DLGAP2: variants seen among roughly 807,000 people sequenced by gnomAD.
DLGAP2 encodes DLG associated protein 2.
DLGAP2 carries 26 observed loss-of-function variants against 100.3 expected under a neutral mutation model. That is an observed-to-expected ratio of 0.26 (90% CI 0.19 to 0.36). The LOEUF is 0.36. DLGAP2 is among the 10% of genes least tolerant of loss of function. The probability of loss-of-function intolerance (pLI) is 1.00; values close to 1 mark genes in which losing one functional copy is unlikely to be tolerated. For synonymous variants in DLGAP2, 886 were observed against 630.1 expected, an observed-to-expected ratio of 1.41 and a Z score of -6.08; for missense variants, 1,858 against 1,453.2, an observed-to-expected ratio of 1.28 and a Z score of -4.53.
rs185490634 is a variant in DLGAP2, at chr8:1,575,817, G to A, written c.1442+9923G>A. On this transcript the variant is annotated intron_variant, in intron 6 of 14. Transcript: ENST00000637795. ...ATGAACTTGTCCTTTTTATGGCTGC[G>A]TAGTTTTCCATGGTGTATATGTGCC... 4.2e-3 allele frequency among the ~76,000 whole-genome samples: 636 copies of A among 151,522 alleles called. 4 individuals are homozygous for A. Among genetic ancestry groups the A allele is most frequent in the African/African-American group, 0.014 (581 of 41,364 alleles).
chr8:819,884 C>T (rs548863424), intron 1 of DLGAP2, among the ~76,000 whole-genome samples: 21 of 152,196 alleles, frequency 1.4e-4, no homozygotes, highest in African/African-American at 3.6e-4. Flanking sequence ...CATTTCCATG[C>T]GAACCCTTTC....
intron 3 of DLGAP2, among the ~76,000 whole-genome samples, chr8:1,359,662 A>G (rs972589564): frequency 2.0e-5 from 3 of 152,328 alleles, no homozygotes; most frequent in South Asian, 4.1e-4. Context: ...GCGCTGGCAG[A>G]TAGCCATCCC....
chr8:918,995 C>T (rs1029171344), intron 2 of DLGAP2, among the ~76,000 whole-genome samples: 40 of 152,088 alleles, frequency 2.6e-4, no homozygotes, highest in African/African-American at 9.4e-4. Flanking sequence ...GGCTGGAGTG[C>T]AGTGGTGCGA....
chr8:1,412,461 G>A (rs753737559), intron 3 of DLGAP2, among the ~76,000 whole-genome samples: 2 of 152,138 alleles, frequency 1.3e-5, no homozygotes, highest in African/African-American at 2.4e-5. Context: ...CTGATCTCAC[G>A]AATTCAGTGC....
At chr8:1,075,261 G>C (rs1292488162) in intron 2 of DLGAP2, among the ~76,000 whole-genome samples, 1 of 152,202 alleles carries the variant, frequency 6.6e-6, no homozygotes, top group Non-Finnish European at 1.5e-5. Flanking sequence ...GGACCCTCTT[G>C]TTGAGGAGCG....
intron 2 of DLGAP2, among the ~76,000 whole-genome samples, chr8:986,907 G>T (rs1190904119): frequency 6.6e-6 from 1 of 152,096 alleles, no homozygotes; most frequent in East Asian, 1.9e-4. Flanking sequence ...TGATCCACCC[G>T]TCTCGACCTT....
At chr8:1,555,748 G>C (rs896304357) in intron 5 of DLGAP2, among the ~76,000 whole-genome samples, 5 of 152,246 alleles carry the variant, frequency 3.3e-5, no homozygotes, top group African/African-American at 1.2e-4. Flanking sequence ...TCACATCTCA[G>C]TGACATCATC....
intron 4 of DLGAP2, among the ~76,000 whole-genome samples, chr8:1,507,594 C>T (rs1046086172): frequency 1.3e-5 from 2 of 152,180 alleles, no homozygotes; most frequent in African/African-American, 4.8e-5. Flanking sequence ...TCCTCAAGTG[C>T]GGCCGGAGTG....
intron 3 of DLGAP2, among the ~76,000 whole-genome samples, chr8:1,291,802 C>A (rs1359560079): frequency 6.6e-6 from 1 of 152,172 alleles, no homozygotes; most frequent in Non-Finnish European, 1.5e-5. Flanking sequence ...ACGAGCAAAT[C>A]CATCTCACTG....
chr8:1,051,187 C>G (rs928975156), intron 2 of DLGAP2, among the ~76,000 whole-genome samples: 1 of 152,188 alleles, frequency 6.6e-6, no homozygotes, highest in South Asian at 2.1e-4. Context: ...ATTGTCAGCA[C>G]CACCTCGAAG....
chr8:1,220,146 C>G (rs184047162), intron 2 of DLGAP2, among the ~76,000 whole-genome samples: 95 of 152,178 alleles, frequency 6.2e-4, no homozygotes, highest in Admixed American at 6.2e-3. Flanking sequence ...TTGTTTTCTT[C>G]TACCTTTGGG....
intron 1 of DLGAP2, among the ~76,000 whole-genome samples, chr8:793,022 TTAG>T (rs1431144452): frequency 2.6e-5 from 4 of 152,238 alleles, no homozygotes; most frequent in Non-Finnish European, 5.9e-5. Context: ...CAGAAGATTA[TTAG>T]TTGACTTTGT....
At chr8:892,265 C>G (rs1030200458) in intron 1 of DLGAP2, among the ~76,000 whole-genome samples, 7 of 152,216 alleles carry the variant, frequency 4.6e-5, no homozygotes, top group African/African-American at 7.2e-5. Flanking sequence ...CTCATAGCGG[C>G]TTGTGCACAG....
chr8:1,120,097 T>A (rs146477006), intron 2 of DLGAP2, among the ~76,000 whole-genome samples: 258 of 151,694 alleles, frequency 1.7e-3, no homozygotes, highest in African/African-American at 6.0e-3. Context: ...AGTTGGAAAT[T>A]CAAACATCTT....
intron 1 of DLGAP2, among the ~76,000 whole-genome samples, chr8:757,917 C>A (rs113755296): frequency 6.6e-6 from 1 of 152,154 alleles, no homozygotes; most frequent in Non-Finnish European, 1.5e-5. Flanking sequence ...CCCACCTCTG[C>A]GCTCATTAGT....
chr8:1,450,950 A>C (rs1390151587), intron 3 of DLGAP2, among the ~76,000 whole-genome samples: 16 of 152,046 alleles, frequency 1.1e-4, no homozygotes. Context: ...TAATTTCTCT[A>C]TTTGGAAATG....
At chr8:893,448 T>A (rs1036526165) in intron 1 of DLGAP2, among the ~76,000 whole-genome samples, 2 of 152,172 alleles carry the variant, frequency 1.3e-5, no homozygotes, top group Non-Finnish European at 1.5e-5. Context: ...TTCAATTAGA[T>A]TTAATTAGGC....
chr8:1,341,983 C>G (rs1369642010), intron 3 of DLGAP2, among the ~76,000 whole-genome samples: 1 of 152,152 alleles, frequency 6.6e-6, no homozygotes, highest in African/African-American at 2.4e-5. Flanking sequence ...CGGCATCTCT[C>G]TCTGTCACCC....
At chr8:1,282,852 G>A (rs1799843899) in intron 3 of DLGAP2, among the ~76,000 whole-genome samples, 2 of 100,220 alleles carry the variant, frequency 2.0e-5, no homozygotes, top group Non-Finnish European at 3.9e-5. Flanking sequence ...GAAGCATCCG[G>A]ACGTGGTGTG....
Sources: gnomAD v4.1 joint callset for allele counts (sites outside exome capture counted in the v4.1 genomes callset) on GRCh38, gnomAD v4.1.1 for gene constraint, MANE v1.5 for transcripts, NCBI Gene and HGNC (gene_info 2026-07-23, HGNC 2026-07-21) for gene names.